KPNB1: variants seen among roughly 807,000 people sequenced by gnomAD.
KPNB1 encodes the protein importin subunit beta-1.
In KPNB1, 7 loss-of-function variants were observed where a neutral mutation model predicts 113.0. That is an observed-to-expected ratio of 0.06 (90% CI 0.04 to 0.12). The LOEUF (loss-of-function observed/expected upper bound fraction) is 0.12, where lower values mean the gene tolerates loss of function less well. KPNB1 is among the 10% of genes least tolerant of loss of function. KPNB1 has a pLI of 1.00. For synonymous variants in KPNB1, 363 were observed against 378.6 expected (o/e 0.96, Z 0.48); for missense variants, 400 against 1,054.8 (o/e 0.38, Z 8.60).
At position 47,669,783 on chromosome 17, in the gene KPNB1, A is replaced by G. The variant is rs1331499920; in HGVS notation, c.1330A>G (p.Ile444Val). 7 of 1,614,170 alleles carry G rather than the reference A, an allele frequency of 4.3e-6. No homozygotes were observed. Among genetic ancestry groups the G allele is most frequent in the Non-Finnish European group, 5.1e-6 (6 of 1,179,984 alleles). Reference sequence around the variant, plus strand: ...TTGTGAGCTGCTTCCTGAAGCTGCCATCAATGATGTCTACTTGGCTCCCCT... The same window carrying G: ...TTGTGAGCTGCTTCCTGAAGCTGCCGTCAATGATGTCTACTTGGCTCCCCT... ...RICELLPEAA[I>V]NDVYLAPLLQ... is the part of the protein sequence containing the mutation. Residue 444 changes from isoleucine (I) to valine (V), a missense_variant, in exon 11 of 22, where the codon ATC becomes GTC. Physicochemically the swap from Ile to Val is conservative, Grantham distance 29. Coordinates refer to ENST00000290158, the MANE Select transcript of KPNB1 (RefSeq NM_002265.6).
chr17:47,654,883 C>G (rs1297903812), intron 3 of KPNB1, among the ~76,000 whole-genome samples: 1 of 152,152 alleles, frequency 6.6e-6, no homozygotes, highest in South Asian at 2.1e-4. Context: ...GTTTTTCCCC[C>G]TCATTCCCTC....
intron 13 of KPNB1, 50 bp from the exon 14 acceptor site, chr17:47,673,440 C>CA (rs773492137): frequency 6.8e-7 from 1 of 1,479,814 alleles, no homozygotes; most frequent in East Asian, 2.3e-5. Context: ...ATGGTCCCAG[C>CA]AAAAGTGGAA....
intron 2 of KPNB1, 126 bp from the exon 3 acceptor site, chr17:47,652,568 C>G: frequency 1.7e-6 from 1 of 593,412 alleles, no homozygotes; most frequent in Non-Finnish European, 2.7e-6. Flanking sequence ...ATGCTTATAT[C>G]AAAAAAAAAT....
At chr17:47,657,610 C>T (rs1246730619) in intron 4 of KPNB1, among the ~76,000 whole-genome samples, 6 of 152,168 alleles carry the variant, frequency 3.9e-5, no homozygotes, top group Non-Finnish European at 5.9e-5. Context: ...GCCTAGGTGT[C>T]GATCCTTGGC....
In KPNB1 at chr17:47,673,133, A is replaced by G; in HGVS notation, c.1663A>G (p.Met555Val). ...TGTCCAGAAAACGACTTTGGTCATC[A>G]TGGAACGACTGCAACAGGTTCTTCA... ...PAVQKTTLVI[M>V]ERLQQVLQME... is the part of the protein sequence containing the mutation. The change falls in exon 13 of 22, where the codon ATG becomes GTG. Residue 555 changes from methionine (M) to valine (V), a missense_variant. Transcript: ENST00000290158. 1 of 1,614,202 alleles carries G rather than the reference A, an allele frequency of 6.2e-7. No homozygotes were observed. Among genetic ancestry groups the G allele is most frequent in the Non-Finnish European group, 8.5e-7 (1 of 1,180,038 alleles).
intron 15 of KPNB1, among the ~76,000 whole-genome samples, chr17:47,675,361 G>GGTTTTTTTTTT (rs2030566469): frequency 2.3e-5 from 2 of 88,694 alleles, no homozygotes; most frequent in South Asian, 3.7e-4. Flanking sequence ...CAGAGGTGTT[G>GGTTTTTTTTTT]TTTTTTTTTT....
At chr17:47,665,227 C>A in intron 9 of KPNB1, 69 bp downstream of exon 9, 1 of 1,254,184 alleles carries the variant, frequency 8.0e-7, no homozygotes, top group Admixed American at 1.8e-5. Flanking sequence ...TGGAAACTTT[C>A]CATGGAAGGA....
At chr17:47,675,774 T>C (rs1200119191) in intron 15 of KPNB1, among the ~76,000 whole-genome samples, 3 of 152,198 alleles carry the variant, frequency 2.0e-5, no homozygotes, top group Admixed American at 6.5e-5. Flanking sequence ...GAATCTGATA[T>C]GCCTTTTCAG....
intron 2 of KPNB1, chr17:47,651,315 T>TC: frequency 1.0e-6 from 1 of 985,382 alleles, no homozygotes; most frequent in Non-Finnish European, 1.2e-6. Context: ...TTGGTGTCCA[T>TC]CTCCTGTTGG....
chr17:47,681,820 C>T (rs2030795750), intron 21 of KPNB1, among the ~76,000 whole-genome samples: 1 of 150,330 alleles, frequency 6.7e-6, no homozygotes, highest in Admixed American at 6.7e-5. Context: ...CAGGCCTTGG[C>T]TCCTACTTTG....
At chr17:47,674,907 C>T (rs1303120775) in intron 15 of KPNB1, 125 bp downstream of exon 15, 17 of 952,976 alleles carry the variant, frequency 1.8e-5, no homozygotes, top group Admixed American at 2.8e-5. Flanking sequence ...GCCTTGAAAT[C>T]GTGGGCTCAC....
chr17:47,680,674 G>T lies in KPNB1; in HGVS notation c.2630+5G>T. On this transcript the variant is annotated splice_donor_5th_base_variant and intron_variant, in intron 21 of 21. Coordinates refer to ENST00000290158, the MANE Select transcript of KPNB1 (RefSeq NM_002265.6). ...GAAACTGAAGAACCAAGCTTGGTAA[G>T]ATCTTGCCTCCACTGTCCTCTTTCT... 1 of 1,612,954 alleles carries T rather than the reference G, an allele frequency of 6.2e-7. No individual in the cohort carries two copies. The highest frequency in any genetic ancestry group is 2.2e-5 in the East Asian group (1 of 44,856).
chr17:47,656,722 C>G, intron 3 of KPNB1, 138 bp from the exon 4 acceptor site: 1 of 793,286 alleles, frequency 1.3e-6, no homozygotes, highest in South Asian at 1.7e-5. Context: ...CACTCCAGTC[C>G]GGGCAACATA....
At chr17:47,658,790 G>T in intron 5 of KPNB1, 130 bp downstream of exon 5, 1 of 721,322 alleles carries the variant, frequency 1.4e-6, no homozygotes. Context: ...TTTGTTTCCA[G>T]TTTAGTCGAG....
chr17:47,677,197 A>C, intron 17 of KPNB1, 70 bp downstream of exon 17: 1 of 1,166,494 alleles, frequency 8.6e-7, no homozygotes, highest in East Asian at 2.6e-5. Flanking sequence ...AGATAGTTAA[A>C]TATCGACCAG....
intron 2 of KPNB1, among the ~76,000 whole-genome samples, 162 bp downstream of exon 2, chr17:47,650,606 C>T (rs1438144120): frequency 6.6e-6 from 1 of 150,688 alleles, no homozygotes; most frequent in Non-Finnish European, 1.5e-5. Flanking sequence ...CTAACCCCGC[C>T]ATCGGGAAGC....
At chr17:47,650,721 G>A (rs911953198) in intron 2 of KPNB1, among the ~76,000 whole-genome samples, 5 of 152,228 alleles carry the variant, frequency 3.3e-5, no homozygotes, top group African/African-American at 4.8e-5. Flanking sequence ...GGTGCAGCGG[G>A]AGGGAGAAAG....
At chr17:47,655,747 G>A (rs114389519) in intron 3 of KPNB1, among the ~76,000 whole-genome samples, 2,291 of 152,230 alleles carry the variant, frequency 0.015, 64 homozygotes, top group African/African-American at 0.053. Context: ...CAGCAACAAT[G>A]AGCCTGGAAG....
At chr17:47,677,276 C>T (rs1041931675) in intron 17 of KPNB1, 149 bp downstream of exon 17, 11 of 626,278 alleles carry the variant, frequency 1.8e-5, no homozygotes, top group Non-Finnish European at 3.1e-5. Flanking sequence ...CGAGACCAAC[C>T]TGGACAACAT....
Sources: gnomAD v4.1 joint callset for allele counts (sites outside exome capture counted in the v4.1 genomes callset) on GRCh38, gnomAD v4.1.1 for gene constraint, MANE v1.5 for transcripts, NCBI Gene and HGNC (gene_info 2026-07-23, HGNC 2026-07-21) for gene names.